The following MYOM1 variants were observed in gnomAD, a reference collection of about 807,000 sequenced individuals.
MYOM1 encodes the protein myomesin 1.
In MYOM1, 164 loss-of-function variants were observed where a neutral mutation model predicts 205.3. The observed-to-expected ratio is 0.80, with a 90% CI of 0.70 to 0.91. The LOEUF is 0.91. MYOM1 is among the 40% of genes least tolerant of loss of function. MYOM1 has a pLI of 0.00. For synonymous variants in MYOM1, 772 were observed against 789.4 expected, an observed-to-expected ratio of 0.98 and a Z score of 0.37; for missense variants, 2,011 against 2,127.3, an observed-to-expected ratio of 0.95 and a Z score of 1.08.
At position 3,074,566 on chromosome 18, in the gene MYOM1, G is replaced by A. The variant is rs145667344; in HGVS notation, c.4708+888C>T. Among the ~76,000 whole-genome samples the A allele has an allele frequency of 1.3e-3, 191 of 152,268 alleles. 1 individual carries two copies. Among genetic ancestry groups the A allele is most frequent in the African/African-American group, 4.2e-3 (175 of 41,550 alleles). On this transcript the variant is annotated intron_variant, in intron 36 of 37. Transcript: ENST00000356443. The stretch of plus-strand genomic sequence containing the variant: ...TAAGACTGAGTTCTTCTAAAAATCT[G>A]TGTGTGTGAAACAAACAGCTCACAG...
At chr18:3,150,647 G>C (rs2080205400) in intron 12 of MYOM1, among the ~76,000 whole-genome samples, 1 of 152,116 alleles carries the variant, frequency 6.6e-6, no homozygotes, top group Non-Finnish European at 1.5e-5. Flanking sequence ...CCTGGCATAA[G>C]CCTGAAATGT....
the MYOM1 span, among the ~76,000 whole-genome samples, chr18:3,243,982 T>C: frequency 2.6e-5 from 4 of 152,180 alleles, no homozygotes; most frequent in African/African-American, 7.2e-5. Flanking sequence ...GTAGAAATTA[T>C]AGTACTCCCG....
Position 3,126,843 on chromosome 18 carries a change from AT to A in MYOM1, c.2848del (p.Met950TrpfsTer21). 6.2e-7 allele frequency: 1 copy of A among 1,613,408 alleles called. No individual in the cohort carries two copies. The highest frequency in any genetic ancestry group is 8.5e-7 in the Non-Finnish European group (1 of 1,179,698). On this transcript the variant is annotated frameshift_variant, in exon 19 of 38. Transcript: ENST00000356443. LOFTEE classifies it high-confidence loss of function. ...ITCLESFRDS[M>X]VLGWKQPDKI... is the part of the protein sequence containing the mutation. ...ATCTGGTTGCTTCCATCCAAGAACC[AT>A]TGAGTCACGAAAACTTTCAAGACAG...
intron 12 of MYOM1, among the ~76,000 whole-genome samples, chr18:3,150,786 G>C (rs2080207324): frequency 6.6e-6 from 1 of 152,056 alleles, no homozygotes; most frequent in African/African-American, 2.4e-5. Context: ...TTGACATTAA[G>C]ACTTGGAGAC....
chr18:3,140,802 A>T (rs896379127), intron 14 of MYOM1, among the ~76,000 whole-genome samples: 3 of 151,542 alleles, frequency 2.0e-5, no homozygotes, highest in Admixed American at 6.6e-5. Context: ...ATATTTTTAT[A>T]AAAAAAAATT....
At chr18:3,177,285 A>C (rs2080656153) in intron 5 of MYOM1, among the ~76,000 whole-genome samples, 1 of 152,046 alleles carries the variant, frequency 6.6e-6, no homozygotes, top group African/African-American at 2.4e-5. Flanking sequence ...AAAATAAATA[A>C]AACAAATAAA....
At chr18:3,096,429 T>C (rs1473923857) in intron 25 of MYOM1, among the ~76,000 whole-genome samples, 2 of 150,742 alleles carry the variant, frequency 1.3e-5, no homozygotes, top group Non-Finnish European at 2.9e-5. Flanking sequence ...CTCTAGTTGC[T>C]TCTACAACAC....
chr18:3,207,595 G>A (rs974464815), intron 2 of MYOM1, among the ~76,000 whole-genome samples: 1 of 152,220 alleles, frequency 6.6e-6, no homozygotes, highest in African/African-American at 2.4e-5. Context: ...AAAGATGGCT[G>A]TGGGAAACCT....
At chr18:3,142,278 G>A (rs555225718) in intron 13 of MYOM1, among the ~76,000 whole-genome samples, 4 of 150,884 alleles carry the variant, frequency 2.7e-5, no homozygotes, top group Non-Finnish European at 4.4e-5. Flanking sequence ...TTTTTTGGAG[G>A]GGGGGAAGGG....
chr18:3,225,070 C>T, the MYOM1 span, among the ~76,000 whole-genome samples: 4 of 152,336 alleles, frequency 2.6e-5, no homozygotes, highest in South Asian at 8.3e-4. Context: ...TCACTGCAAG[C>T]TCCACCTCCC....
intron 33 of MYOM1, among the ~76,000 whole-genome samples, chr18:3,083,553 C>T: frequency 6.6e-6 from 1 of 150,514 alleles, no homozygotes; most frequent in Admixed American, 6.6e-5. Flanking sequence ...CTCAGCCTCC[C>T]CAGTAGCTCA....
chr18:3,123,831 A>ATTTATTTTTTTTTTTTTTTTTTTTT (rs2079735518), intron 19 of MYOM1, among the ~76,000 whole-genome samples: 1 of 142,284 alleles, frequency 7.0e-6, no homozygotes, highest in African/African-American at 2.6e-5. Flanking sequence ...TTATTTATTT[A>ATTTATTTTTTTTTTTTTTTTTTTTT]TTTTTTTTGA....
chr18:3,177,477 T>G, intron 5 of MYOM1, among the ~76,000 whole-genome samples: 1 of 125,842 alleles, frequency 7.9e-6, no homozygotes. Context: ...ATTATTATTA[T>G]TATTATTATT....
At chr18:3,183,932 G>A (rs1006424994) in intron 5 of MYOM1, among the ~76,000 whole-genome samples, 8 of 150,672 alleles carry the variant, frequency 5.3e-5, no homozygotes, top group Non-Finnish European at 1.2e-4. Context: ...TTGAGACAGG[G>A]TCACACTCTA....
At chr18:3,232,926 G>A in the MYOM1 span, among the ~76,000 whole-genome samples, 22 of 151,956 alleles carry the variant, frequency 1.4e-4, no homozygotes, top group East Asian at 3.9e-4. Context: ...ATTTTTAAAC[G>A]TAGTACAATC....
rs573894838 is a variant in MYOM1 at position 3,085,585 on chromosome 18, G to A, written c.4251+453C>T. On this transcript the variant is annotated intron_variant, in intron 30 of 37. Coordinates refer to ENST00000356443, the MANE Select transcript of MYOM1 (RefSeq NM_003803.4). ...CTTTTTACCTTCCAAGGCTGTAATT[G>A]ATATGAGGCTTAATGTCCTTACTTT... is the stretch of plus-strand genomic sequence containing the variant. 5.3e-5 allele frequency among the ~76,000 whole-genome samples: 8 copies of A among 152,190 alleles called. No homozygotes were observed. In the South Asian group the frequency reaches 1.7e-3, roughly 32 times the overall value.
intron 18 of MYOM1, among the ~76,000 whole-genome samples, chr18:3,127,761 A>G (rs1475460232): frequency 6.6e-6 from 1 of 152,238 alleles, no homozygotes; most frequent in African/African-American, 2.4e-5. Flanking sequence ...AACATTTTTA[A>G]AAAACAGACA....
At chr18:3,094,061 C>G in intron 26 of MYOM1, 109 bp downstream of exon 26, 1 of 1,098,146 alleles carries the variant, frequency 9.1e-7, no homozygotes, top group Non-Finnish European at 1.3e-6. Flanking sequence ...TTAAACTCTC[C>G]CACTCCACCA....
At chr18:3,177,256 C>G (rs886363698) in intron 5 of MYOM1, among the ~76,000 whole-genome samples, 31 of 151,922 alleles carry the variant, frequency 2.0e-4, no homozygotes, top group Non-Finnish European at 3.7e-4. Flanking sequence ...ATAAAACAAA[C>G]AAACAAATAA....
Sources: gnomAD v4.1 joint callset for allele counts (sites outside exome capture counted in the v4.1 genomes callset) on GRCh38, gnomAD v4.1.1 for gene constraint, MANE v1.5 for transcripts, NCBI Gene and HGNC (gene_info 2026-07-23, HGNC 2026-07-21) for gene names.